ALPK2: variants seen among roughly 807,000 people sequenced by gnomAD.
ALPK2 encodes the protein alpha kinase 2, also known as alpha-protein kinase 2.
In ALPK2, 127 loss-of-function variants were observed where a neutral mutation model predicts 163.1. The observed-to-expected ratio is 0.78, with a 90% CI of 0.67 to 0.90. The LOEUF (loss-of-function observed/expected upper bound fraction) is 0.90. ALPK2 is among the 40% of genes least tolerant of loss of function. The probability of loss-of-function intolerance (pLI) is 0.00; values close to 1 mark genes in which losing one functional copy is unlikely to be tolerated. For synonymous variants in ALPK2, 953 were observed against 959.1 expected (o/e 0.99, Z 0.12); for missense variants, 2,360 against 2,589.6 (o/e 0.91, Z 1.92).
intron 4 of ALPK2, among the ~76,000 whole-genome samples, chr18:58,571,069 C>T (rs1399804802): frequency 6.6e-6 from 1 of 152,022 alleles, no homozygotes; most frequent in Non-Finnish European, 1.5e-5. Context: ...CTCTGTGGCC[C>T]ATGCTGGAGT....
At chr18:58,612,434 A>G (rs1356524204) in intron 1 of ALPK2, among the ~76,000 whole-genome samples, 2 of 152,252 alleles carry the variant, frequency 1.3e-5, no homozygotes, top group Non-Finnish European at 2.9e-5. Flanking sequence ...GAAGGCAGGC[A>G]CTAAACACTT....
At chr18:58,525,306 A>G (rs2051578669) in intron 6 of ALPK2, among the ~76,000 whole-genome samples, 1 of 152,218 alleles carries the variant, frequency 6.6e-6, no homozygotes, top group Non-Finnish European at 1.5e-5. Flanking sequence ...GTATGGTTAA[A>G]ACTGGATGTG....
intron 3 of ALPK2, among the ~76,000 whole-genome samples, chr18:58,604,558 T>C (rs1050442829): frequency 6.6e-6 from 1 of 152,190 alleles, no homozygotes; most frequent in African/African-American, 2.4e-5. Flanking sequence ...AATTCAGAAC[T>C]ACCGGTATAA....
intron 4 of ALPK2, among the ~76,000 whole-genome samples, chr18:58,568,518 C>T (rs79206739): frequency 0.015 from 2,234 of 152,212 alleles, 52 homozygotes; most frequent in African/African-American, 0.05. Context: ...CCATAAGGCA[C>T]GCACGCCTGA....
chr18:58,553,841 T>C (rs1027796939), intron 4 of ALPK2, among the ~76,000 whole-genome samples: 3 of 137,870 alleles, frequency 2.2e-5, no homozygotes, highest in African/African-American at 5.4e-5. Context: ...AGTTGGGGTT[T>C]TTTTTTTGGT....
intron 4 of ALPK2, chr18:58,544,132 T>C (rs1359032720): frequency 6.6e-6 from 1 of 152,184 alleles, no homozygotes; most frequent in Admixed American, 6.5e-5. Context: ...AATAAGCAGA[T>C]GAATGAATAC....
chr18:58,616,252 C>T (rs997259150), intron 1 of ALPK2, among the ~76,000 whole-genome samples: 3 of 152,180 alleles, frequency 2.0e-5, no homozygotes, highest in Non-Finnish European at 2.9e-5. Context: ...GTTCCTGGCT[C>T]CTAACTCCCA....
At chr18:58,586,996 A>G (rs2051990352) in intron 3 of ALPK2, among the ~76,000 whole-genome samples, 1 of 152,168 alleles carries the variant, frequency 6.6e-6, no homozygotes, top group Non-Finnish European at 1.5e-5. Flanking sequence ...GAAAGACCTG[A>G]GAAAATTCTG....
At chr18:58,503,700 C>A (rs1003973310) in intron 11 of ALPK2, among the ~76,000 whole-genome samples, 1 of 152,022 alleles carries the variant, frequency 6.6e-6, no homozygotes, top group Non-Finnish European at 1.5e-5. Context: ...CCCTGTCCCC[C>A]CCTAGAATTT....
chr18:58,494,979 G>A (rs1193666218), intron 12 of ALPK2, among the ~76,000 whole-genome samples: 1 of 152,088 alleles, frequency 6.6e-6, no homozygotes, highest in East Asian at 1.9e-4. Context: ...GTTCACTTTG[G>A]GGTGCTGACT....
intron 4 of ALPK2, among the ~76,000 whole-genome samples, chr18:58,568,765 G>A (rs2051869943): frequency 6.6e-6 from 1 of 152,184 alleles, no homozygotes; most frequent in Admixed American, 6.5e-5. Flanking sequence ...GGTGTTATAA[G>A]TAATTGGAGA....
chr18:58,519,986 G>A (rs1323467798), intron 8 of ALPK2, among the ~76,000 whole-genome samples: 1 of 152,210 alleles, frequency 6.6e-6, no homozygotes, highest in African/African-American at 2.4e-5. Flanking sequence ...CACCTGAGGG[G>A]AGGCTTAGGA....
intron 4 of ALPK2, among the ~76,000 whole-genome samples, chr18:58,573,650 T>A (rs1393484068): frequency 7.0e-6 from 1 of 142,412 alleles, no homozygotes; most frequent in African/African-American, 2.6e-5. Flanking sequence ...TATTTATTGA[T>A]CATTCTTGGG....
At chr18:58,625,545 G>T (rs906312444) in intron 1 of ALPK2, among the ~76,000 whole-genome samples, 2 of 152,224 alleles carry the variant, frequency 1.3e-5, no homozygotes, top group Non-Finnish European at 2.9e-5. Context: ...AGAAACTCTG[G>T]GGATGGAGCC....
intron 1 of ALPK2, 54 bp downstream of exon 1, chr18:58,628,710 A>G (rs764726286): frequency 2.0e-5 from 3 of 152,196 alleles, no homozygotes; most frequent in Non-Finnish European, 4.4e-5. Context: ...GTAAACAACT[A>G]TATATTGAAA....
chr18:58,574,379 G>A (rs35591632), intron 4 of ALPK2, among the ~76,000 whole-genome samples: 45,085 of 147,930 alleles, frequency 0.3, 7,025 homozygotes, highest in Admixed American at 0.37. Flanking sequence ...AACCCAGGAG[G>A]CGGAGGTTGC....
At chr18:58,513,778 G>T (rs1256703764) in intron 10 of ALPK2, among the ~76,000 whole-genome samples, 1 of 152,120 alleles carries the variant, frequency 6.6e-6, no homozygotes, top group Non-Finnish European at 1.5e-5. Context: ...TACTTTGGAG[G>T]CTGGATCACT....
chr18:58,580,348 T>A lies in ALPK2; in HGVS notation c.428A>T (p.Lys143Met). The change falls in exon 4 of 13, where the codon AAG becomes ATG. Residue 143 changes from lysine to methionine, a missense_variant. Lys to Met is a moderately conservative substitution (Grantham distance 95, BLOSUM62 -1). Transcript: ENST00000361673. Reference protein sequence around the residue: ...EEERANQIDEKEHPYKEEESI... With the variant: ...EEERANQIDEMEHPYKEEESI... ...TTCTTCTTCCTTATAAGGATGTTCC[T>A]TCTCATCAATCTGATTTGCCCTTTC... is the stretch of plus-strand genomic sequence containing the variant. 6.2e-7 allele frequency: 1 copy of A among 1,614,172 alleles called. No homozygotes were observed. Among genetic ancestry groups the A allele is most frequent in the Non-Finnish European group, 8.5e-7 (1 of 1,180,028 alleles).
At chr18:58,484,774 C>A (rs1458562229) in intron 12 of ALPK2, among the ~76,000 whole-genome samples, 1 of 107,236 alleles carries the variant, frequency 9.3e-6, no homozygotes, top group African/African-American at 3.7e-5. Flanking sequence ...AATAATAATG[C>A]CCATAGGGTT....
Sources: gnomAD v4.1 joint callset for allele counts (sites outside exome capture counted in the v4.1 genomes callset) on GRCh38, gnomAD v4.1.1 for gene constraint, MANE v1.5 for transcripts, NCBI Gene and HGNC (gene_info 2026-07-23, HGNC 2026-07-21) for gene names.